The following PLCH2 variants were observed in gnomAD, a reference collection of about 807,000 sequenced individuals.
The protein encoded by PLCH2 is 1-phosphatidylinositol 4,5-bisphosphate phosphodiesterase eta-2.
A neutral mutation model predicts 134.7 loss-of-function variants in PLCH2; 98 were observed. The observed-to-expected ratio is 0.73, with a 90% CI of 0.62 to 0.86. The LOEUF (loss-of-function observed/expected upper bound fraction) is 0.86, where lower values mean the gene tolerates loss of function less well. Among genes scored for constraint, PLCH2 ranks in the 40% least tolerant of loss-of-function variants. The probability of loss-of-function intolerance (pLI) is 0.00; values close to 1 mark genes in which losing one functional copy is unlikely to be tolerated. For missense variants in PLCH2, 1,994 were observed against 1,986.6 expected (o/e 1.00, Z -0.07); for synonymous variants, 974 against 827.5 (o/e 1.18, Z -3.04).
intron 1 of PLCH2, among the ~76,000 whole-genome samples, chr1:2,427,742 G>A (rs1385984953): frequency 1.3e-5 from 2 of 152,130 alleles, no homozygotes; most frequent in African/African-American, 2.4e-5. Context: ...AGGGGCCACC[G>A]CAGGTATTGA....
rs1357448365 is a variant in PLCH2 at position 2,448,735 on chromosome 1, CT to C, written c.115+18107del. Among the ~76,000 whole-genome samples, 3 of 152,062 alleles carry C rather than the reference CT, an allele frequency of 2.0e-5. No homozygotes were observed. The highest frequency in any genetic ancestry group is 4.4e-5 in the Non-Finnish European group (3 of 67,994). ...GCCTCCTGGCTCCCCACCATCCCCC[CT>C]GGTGCAGCCTCCTGGCTCCCCACCA... On this transcript the variant is annotated intron_variant, in intron 2 of 3. Coordinates refer to the PLCH2 transcript ENST00000609981. This position sits in a 1 kb window ranked among gnomAD's most constrained non-coding sequence, Gnocchi z 4.0.
chr1:2,454,286 C>T (rs1454721288), intron 2 of PLCH2, among the ~76,000 whole-genome samples: 1 of 152,202 alleles, frequency 6.6e-6, no homozygotes, highest in Non-Finnish European at 1.5e-5. Flanking sequence ...GCCCACCATG[C>T]CCGACTCACC....
In PLCH2 at chr1:2,495,526, G is replaced by C. The variant is rs1174364263; in HGVS notation, c.1791G>C (p.Glu597Asp). ...AGCTGAAGAAGGCGGCCAGCGTGGA[G>C]GAGGGAGATGAGGGTCAGGACTCCC... ...GSKLKKAASVEEGDEGQDSPG... is the reference protein window; with the variant it reads ...GSKLKKAASVDEGDEGQDSPG... Residue 597 changes from glutamate (E) to aspartate (D), a missense_variant, in exon 13 of 22, where the codon GAG becomes GAC. Glu to Asp is a conservative substitution (Grantham distance 45). Coordinates refer to ENST00000378486, the MANE Select transcript of PLCH2 (RefSeq NM_014638.4). The C allele has an allele frequency of 6.4e-7, 1 of 1,552,090 alleles. No homozygotes were observed.
At chr1:2,461,887 T>C (rs370437733) in intron 2 of PLCH2, among the ~76,000 whole-genome samples, 134 of 152,174 alleles carry the variant, frequency 8.8e-4, no homozygotes, top group African/African-American at 2.6e-3. Flanking sequence ...GGCCTCTGCA[T>C]CTGGCCTTCC....
chr1:2,468,164 C>T lies in PLCH2; in HGVS notation c.43+502C>T, dbSNP rs568716425. Among the ~76,000 whole-genome samples the T allele has an allele frequency of 1.7e-3, 263 of 152,290 alleles. 1 individual carries two copies. The highest frequency in any genetic ancestry group is 6.2e-3 in the African/African-American group (257 of 41,546). ...GCCCAACCCCACCCCAGCCCCTGAT[C>T]GAGGTTGGCAAAGGTGGCCCTGAGC... On this transcript the variant is annotated intron_variant, in intron 1 of 21. Transcript: ENST00000449969.
rs978332149 is a variant in PLCH2, at chr1:2,439,819, C to T, written c.115+9190C>T. ...AGGAAAGGCATTGCCTGAGAGACAC[C>T]GCAGCCAGGCCTGGCTGGAGTGTTC... On this transcript the variant is annotated intron_variant, in intron 2 of 3. Coordinates refer to the PLCH2 transcript ENST00000609981. The surrounding 1 kb of genome is among the most constrained non-coding windows in gnomAD (Gnocchi z 4.7). Among the ~76,000 whole-genome samples the T allele has an allele frequency of 2.6e-5, 4 of 152,056 alleles. No homozygotes were observed. The highest frequency in any genetic ancestry group is 4.8e-5 in the African/African-American group (2 of 41,414).
upstream of PLCH2, among the ~76,000 whole-genome samples, chr1:2,467,214 G>A (rs1641097820): frequency 2.6e-5 from 4 of 152,128 alleles, no homozygotes; most frequent in South Asian, 8.3e-4. Flanking sequence ...CAGGATGAAC[G>A]GTGGGTGGTC....
chr1:2,430,964 C>T (rs1040759318), intron 2 of PLCH2, among the ~76,000 whole-genome samples: 12 of 152,176 alleles, frequency 7.9e-5, no homozygotes, highest in African/African-American at 1.2e-4. Flanking sequence ...CTGCAGCTCA[C>T]GATGCTTCCT....
At position 2,495,501 on chromosome 1, in the gene PLCH2, A is replaced by G; in HGVS notation, c.1766A>G (p.Lys589Arg). 1.3e-6 allele frequency: 2 copies of G among 1,551,778 alleles called. No homozygotes were observed. Among genetic ancestry groups the G allele is most frequent in the Non-Finnish European group, 1.7e-6 (2 of 1,147,082 alleles). The stretch of plus-strand genomic sequence containing the variant: ...CCCCCCGCACAGAAGAAGGGCAGCA[A>G]GCTGAAGAAGGCGGCCAGCGTGGAG... ...SFSRRKKKGS[K>R]LKKAASVEEG... The change falls in exon 13 of 22, where the codon AAG becomes AGG. Residue 589 changes from lysine (K) to arginine (R), a missense_variant. Around this residue, in one of 2 missense-constraint regions of PLCH2, gnomAD observed 1,094 missense variants for 1,234.3 expected, o/e 0.89. Transcript: ENST00000378486.
upstream of PLCH2, among the ~76,000 whole-genome samples, chr1:2,425,091 A>T (rs1638715537): frequency 6.9e-6 from 1 of 145,034 alleles, no homozygotes; most frequent in South Asian, 2.2e-4. Flanking sequence ...TGAACCCAGG[A>T]GGCGGAGGCT....
chr1:2,484,257 C>T (rs996319002), intron 4 of PLCH2, among the ~76,000 whole-genome samples, 191 bp from the exon 5 acceptor site: 4 of 152,072 alleles, frequency 2.6e-5, no homozygotes, highest in African/African-American at 9.7e-5. Context: ...TCTGCATTTT[C>T]ATGGGGCTGT....
chr1:2,434,820 G>A (rs1639247128), intron 2 of PLCH2, among the ~76,000 whole-genome samples: 1 of 152,196 alleles, frequency 6.6e-6, no homozygotes, highest in Non-Finnish European at 1.5e-5. Flanking sequence ...CCTGGAAATC[G>A]AGGCTCCCCG....
At chr1:2,500,678 A>C (rs1039681722) in intron 20 of PLCH2, 3 of 152,224 alleles carry the variant, frequency 2.0e-5, no homozygotes, top group Non-Finnish European at 4.4e-5. Context: ...GACGTGGATC[A>C]TGACATGGCT....
At chr1:2,428,878 C>T (rs1466161020) in intron 1 of PLCH2, among the ~76,000 whole-genome samples, 1 of 152,238 alleles carries the variant, frequency 6.6e-6, no homozygotes, top group Non-Finnish European at 1.5e-5. Context: ...GGAGAGAGGG[C>T]TGGGCACCAC....
At position 2,489,753 on chromosome 1, in the gene PLCH2, C is replaced by A. The variant is rs778441760; in HGVS notation, c.1408-7C>A. The stretch of plus-strand genomic sequence containing the variant: ...GGGCCCCTCCCATCATGCACCTCCT[C>A]CCCCAGGGGAAGAAGCTCCCAGCCA... On this transcript the variant is annotated splice_polypyrimidine_tract_variant and splice_region_variant and intron_variant, in intron 9 of 21. Coordinates refer to ENST00000378486, the MANE Select transcript of PLCH2 (RefSeq NM_014638.4). 19 of 1,608,766 alleles carry A rather than the reference C, an allele frequency of 1.2e-5. No homozygotes were observed. Among genetic ancestry groups the A allele is most frequent in the East Asian group, 2.2e-5 (1 of 44,884 alleles).
Position 2,476,505 on chromosome 1 carries a change from G to GC in PLCH2, c.-83dup, listed in dbSNP as rs550367640. 117 of 1,335,644 alleles carry GC rather than the reference G, an allele frequency of 8.8e-5. 1 individual carries two copies. The African/African-American group carries it at 1.5e-3, about 17-fold the overall frequency. The allele number at this position is 1,335,644 out of a possible 1,614,324, so 82.7% of individuals were successfully genotyped here. Reference sequence around the variant, plus strand: ...AGGCCCCACGGAGGTCCTGTCGCCAGCGCTGCCACTGCCTGACCTCCGCTG... The same window carrying GC: ...AGGCCCCACGGAGGTCCTGTCGCCAGCCGCTGCCACTGCCTGACCTCCGCTG... On this transcript the variant is annotated 5_prime_UTR_variant, in exon 1 of 22. The change abolishes the stop of an existing upstream ORF in the 5' untranslated region. Coordinates refer to ENST00000378486, the MANE Select transcript of PLCH2 (RefSeq NM_014638.4).
chr1:2,497,979 G>C (rs1642989591), intron 16 of PLCH2: 3 of 275,028 alleles, frequency 1.1e-5, no homozygotes, highest in Non-Finnish European at 2.1e-5. Flanking sequence ...TGGGTGTTTG[G>C]AGGAACCTCC....
At chr1:2,486,836 TG>T (rs1259849106) in intron 5 of PLCH2, 70 bp from the exon 6 acceptor site, 2 of 1,174,398 alleles carry the variant, frequency 1.7e-6, no homozygotes, top group African/African-American at 1.5e-5. Flanking sequence ...ACAGTGGTGA[TG>T]GGGGAGCTGC....
At position 2,491,191 on chromosome 1, in the gene PLCH2, G is replaced by A. The variant is rs1642557640; in HGVS notation, c.1516-1G>A. 6.2e-7 allele frequency: 1 copy of A among 1,611,312 alleles called. No homozygotes were observed. The highest frequency in any genetic ancestry group is 1.1e-5 in the South Asian group (1 of 90,832). ...AACAGGCCGGCCTCTGGCTCCTGCA[G>A]GCATCCACCAATCGAAAGCGTGTAG... On this transcript the variant is annotated splice_acceptor_variant, in intron 10 of 21. Coordinates refer to ENST00000378486, the MANE Select transcript of PLCH2 (RefSeq NM_014638.4). LOFTEE classifies it high-confidence loss of function.
Sources: gnomAD v4.1 joint callset for allele counts (sites outside exome capture counted in the v4.1 genomes callset) on GRCh38, gnomAD v4.1.1 for gene constraint, gnomAD v4.1.1 regional missense constraint, Gnocchi (gnomAD v3.1) non-coding constraint, MANE v1.5 for transcripts, NCBI Gene and HGNC (gene_info 2026-07-23, HGNC 2026-07-21) for gene names.